The following DLC1 variants were observed in gnomAD, a reference collection of about 807,000 sequenced individuals.
DLC1 encodes rho GTPase-activating protein 7.
A neutral mutation model predicts 140.3 loss-of-function variants in DLC1; 54 were observed. The observed-to-expected ratio is 0.38, with a 90% CI of 0.31 to 0.48. DLC1 has a LOEUF of 0.48. Ranked by LOEUF, DLC1 falls within the 20% of genes least tolerant of loss-of-function variation. The pLI, the probability that DLC1 is intolerant of heterozygous loss-of-function variation, is 0.96. For synonymous variants in DLC1, 986 were observed against 728.1 expected (o/e 1.35, Z -5.70); for missense variants, 2,536 against 1,907.0 (o/e 1.33, Z -6.14).
intron 4 of DLC1, among the ~76,000 whole-genome samples, chr8:13,312,928 T>G (rs1218696238): frequency 6.6e-6 from 1 of 152,204 alleles, no homozygotes; most frequent in African/African-American, 2.4e-5. Flanking sequence ...CAGAGACCAA[T>G]TGACTCAAAA....
intron 1 of DLC1, among the ~76,000 whole-genome samples, chr8:13,523,533 A>G (rs989418177): frequency 6.6e-5 from 10 of 152,330 alleles, no homozygotes; most frequent in Non-Finnish European, 1.3e-4. Context: ...GGCTAGACAA[A>G]TACATTTGGG....
In DLC1 at chr8:13,416,498, G is replaced by C. The variant is rs74945512; in HGVS notation, c.1024-14879C>G. 1.8e-3 allele frequency among the ~76,000 whole-genome samples: 274 copies of C among 152,148 alleles called. 1 individual carries two copies. Among genetic ancestry groups the C allele is most frequent in the African/African-American group, 6.4e-3 (265 of 41,510 alleles). ...AAATATGGCCACTTTGGATGATTCAGGATGGTGGTTACCTATGAACTTAAG... is the reference window on the plus strand; with the variant it reads ...AAATATGGCCACTTTGGATGATTCACGATGGTGGTTACCTATGAACTTAAG... On this transcript the variant is annotated intron_variant, in intron 2 of 17. Transcript: ENST00000276297.
At chr8:13,479,802 A>AAAGAAGAAG (rs60625191) in intron 2 of DLC1, among the ~76,000 whole-genome samples, 1,117 of 56,854 alleles carry the variant, frequency 0.02, 39 homozygotes, top group East Asian at 0.042. Flanking sequence ...GAAAGAAAGA[A>AAAGAAGAAG]AAGAAGAAGA....
At chr8:13,461,440 C>T (rs924029826) in intron 2 of DLC1, among the ~76,000 whole-genome samples, 3 of 152,184 alleles carry the variant, frequency 2.0e-5, no homozygotes, top group African/African-American at 2.4e-5. Context: ...CTGCCTGACC[C>T]CTTCTGTCCT....
intron 2 of DLC1, among the ~76,000 whole-genome samples, chr8:13,439,300 G>A (rs2116912742): frequency 6.6e-6 from 1 of 152,174 alleles, no homozygotes; most frequent in Middle Eastern, 3.4e-3. Context: ...CTCCAGTCTG[G>A]GCGACAGAGT....
At chr8:13,556,144 G>T (rs73561382) in intron 1 of DLC1, among the ~76,000 whole-genome samples, 3,380 of 152,258 alleles carry the variant, frequency 0.022, 97 homozygotes, top group East Asian at 0.11. Context: ...AATGAGGATT[G>T]ATTATCAGAA....
intron 1 of DLC1, among the ~76,000 whole-genome samples, chr8:13,547,047 A>G (rs1417165368): frequency 6.6e-6 from 1 of 152,140 alleles, no homozygotes; most frequent in Non-Finnish European, 1.5e-5. Context: ...TTGATAAATC[A>G]ACTATTTTTA....
chr8:13,117,532 C>G (rs533091593), intron 5 of DLC1, among the ~76,000 whole-genome samples: 7 of 152,096 alleles, frequency 4.6e-5, no homozygotes, highest in African/African-American at 1.7e-4. Flanking sequence ...CTGCCCCCTC[C>G]CACAAAACAT....
chr8:13,136,603 A>G (rs1486747894), intron 5 of DLC1, among the ~76,000 whole-genome samples: 1 of 152,188 alleles, frequency 6.6e-6, no homozygotes, highest in Non-Finnish European at 1.5e-5. Flanking sequence ...ATGTCTGTGC[A>G]TCCCACTGAG....
intron 1 of DLC1, among the ~76,000 whole-genome samples, chr8:13,539,590 C>T (rs897565736): frequency 6.6e-6 from 1 of 152,086 alleles, no homozygotes; most frequent in Non-Finnish European, 1.5e-5. Flanking sequence ...TCCAATCTAC[C>T]CCTTGAGGCC....
intron 2 of DLC1, among the ~76,000 whole-genome samples, chr8:13,418,117 C>A (rs1188657445): frequency 6.6e-6 from 1 of 152,076 alleles, no homozygotes; most frequent in Non-Finnish European, 1.5e-5. Context: ...GATATTAGCC[C>A]TTTGTCAGAT....
At chr8:13,217,151 G>T (rs73663647) in intron 5 of DLC1, among the ~76,000 whole-genome samples, 1 of 152,054 alleles carries the variant, frequency 6.6e-6, no homozygotes, top group Non-Finnish European at 1.5e-5. Flanking sequence ...TTAAAGAAAT[G>T]GATATAAACA....
intron 4 of DLC1, among the ~76,000 whole-genome samples, chr8:13,320,911 C>T (rs56079770): frequency 0.09 from 13,645 of 152,128 alleles, 663 homozygotes; most frequent in African/African-American, 0.1. Flanking sequence ...CTGTCTTTTG[C>T]TTCCTCTCAA....
intron 4 of DLC1, among the ~76,000 whole-genome samples, chr8:13,390,439 A>G (rs1035448307): frequency 1.3e-5 from 2 of 152,138 alleles, no homozygotes; most frequent in Admixed American, 1.3e-4. Flanking sequence ...ATAAACATAC[A>G]TGTACATGTG....
intron 1 of DLC1, among the ~76,000 whole-genome samples, chr8:13,521,185 A>T (rs1317371133): frequency 1.3e-5 from 2 of 152,044 alleles, no homozygotes; most frequent in Non-Finnish European, 2.9e-5. Flanking sequence ...CTTACTCATA[A>T]AAGGGAGCTG....
At chr8:13,392,761 A>G (rs1376910963) in intron 4 of DLC1, among the ~76,000 whole-genome samples, 3 of 151,418 alleles carry the variant, frequency 2.0e-5, no homozygotes, top group Admixed American at 2.0e-4. Flanking sequence ...TCTTTTATTC[A>G]CAATCTACAC....
chr8:13,115,132 T>C (rs1820441016), intron 6 of DLC1, among the ~76,000 whole-genome samples: 1 of 152,260 alleles, frequency 6.6e-6, no homozygotes, highest in Admixed American at 6.5e-5. Flanking sequence ...TAATACACAA[T>C]GGTGTATTAC....
intron 4 of DLC1, among the ~76,000 whole-genome samples, chr8:13,309,737 C>T (rs1021108787): frequency 4.6e-5 from 7 of 152,086 alleles, no homozygotes; most frequent in African/African-American, 7.2e-5. Context: ...CAGATGGACA[C>T]CTTTTAGGAA....
intron 5 of DLC1, among the ~76,000 whole-genome samples, chr8:13,187,030 C>G (rs937833871): frequency 6.6e-6 from 1 of 152,138 alleles, no homozygotes; most frequent in Non-Finnish European, 1.5e-5. Flanking sequence ...GCTTCCTGAT[C>G]CTTCCTCTGG....
Sources: allele counts gnomAD v4.1 joint callset (sites outside exome capture counted in the v4.1 genomes callset), GRCh38; gene constraint gnomAD v4.1.1; transcripts MANE v1.5; gene names NCBI Gene and HGNC (gene_info 2026-07-23, HGNC 2026-07-21).